Variants in SRP19 observed in about 807,000 individuals in gnomAD.
The protein encoded by SRP19 is signal recognition particle 19 kDa protein.
In SRP19, 11 loss-of-function variants were observed where a neutral mutation model predicts 22.4. The observed-to-expected ratio is 0.49, with a 90% CI of 0.31 to 0.81. SRP19 has a LOEUF of 0.81. SRP19 is among the 40% of genes least tolerant of loss of function. The probability of loss-of-function intolerance (pLI) is 0.05; values close to 1 mark genes in which losing one functional copy is unlikely to be tolerated. For synonymous variants in SRP19, 61 were observed against 57.6 expected, an observed-to-expected ratio of 1.06 and a Z score of -0.27; for missense variants, 168 against 175.9, an observed-to-expected ratio of 0.96 and a Z score of 0.25.
chr5:112,880,252 A>T (rs1268939945), intron 4 of SRP19, among the ~76,000 whole-genome samples: 1 of 152,010 alleles, frequency 6.6e-6, no homozygotes, highest in Non-Finnish European at 1.5e-5. Context: ...ATCTCTATAG[A>T]AAAAAAAGAA....
At chr5:112,873,271 C>CTTTCTTTTT (rs1767797798), downstream of SRP19, among the ~76,000 whole-genome samples, 1 of 50,718 alleles carries the variant, frequency 2.0e-5, no homozygotes, top group African/African-American at 8.7e-5. Flanking sequence ...CTCAGGTTTT[C>CTTTCTTTTT]TTTTTTTTTT....
At chr5:112,884,837 T>C (rs818429) in intron 4 of SRP19, among the ~76,000 whole-genome samples, 71,488 of 150,964 alleles carry the variant, frequency 0.47, 19,764 homozygotes, top group African/African-American at 0.79. Context: ...GTAAATATAC[T>C]ATCTAATTTT....
At chr5:112,886,567 A>T (rs1005407762) in intron 4 of SRP19, among the ~76,000 whole-genome samples, 2 of 152,194 alleles carry the variant, frequency 1.3e-5, no homozygotes, top group African/African-American at 4.8e-5. Flanking sequence ...AAGATCAAGA[A>T]TTTTTTGTAA....
intron 4 of SRP19, among the ~76,000 whole-genome samples, chr5:112,865,505 A>G (rs909620487): frequency 2.0e-5 from 3 of 152,184 alleles, no homozygotes; most frequent in Non-Finnish European, 2.9e-5. Flanking sequence ...CAGAGCTATT[A>G]ATTTTTTCTT....
At chr5:112,882,247 T>C (rs76033445) in intron 4 of SRP19, among the ~76,000 whole-genome samples, 5,301 of 152,138 alleles carry the variant, frequency 0.035, 224 homozygotes, top group East Asian at 0.16. Flanking sequence ...TCCATAATCT[T>C]GTATCAAGCA....
At chr5:112,892,049 AAG>A in exon 5 of SRP19, 1 of 1,517,144 alleles carries the variant, frequency 6.6e-7, no homozygotes, top group South Asian at 1.1e-5. Context: ...AAGAAAGAAA[AAG>A]AGGAAGCTGT....
At chr5:112,884,201 A>C (rs116323179) in intron 4 of SRP19, among the ~76,000 whole-genome samples, 90 of 152,246 alleles carry the variant, frequency 5.9e-4, no homozygotes, top group African/African-American at 2.0e-3. Flanking sequence ...GTAGAAGCCA[A>C]ACCTTTACAA....
At chr5:112,890,988 A>C (rs1256869903) in intron 4 of SRP19, among the ~76,000 whole-genome samples, 1 of 150,908 alleles carries the variant, frequency 6.6e-6, no homozygotes, top group African/African-American at 2.5e-5. Context: ...AACAACATCT[A>C]TGAAACATTA....
intron 4 of SRP19, among the ~76,000 whole-genome samples, chr5:112,883,599 A>T (rs546357969): frequency 1.3e-5 from 2 of 152,098 alleles, no homozygotes; most frequent in South Asian, 4.2e-4. Context: ...TACCTTCGTG[A>T]TCTCATCTAG....
In SRP19 at chr5:112,868,162, G is replaced by T. The variant is rs929237470; in HGVS notation, c.*625G>T. On this transcript the variant is annotated 3_prime_UTR_variant, in exon 5 of 5. Transcript: ENST00000505459. ...TTTAAGCTTTAAATTTGCTTATTTT[G>T]TAGGTTTAAGAACATGATTTTCATG... 1.0e-6 allele frequency: 1 copy of T among 985,406 alleles called. No homozygotes were observed. The highest frequency in any genetic ancestry group is 1.1e-4 in the East Asian group (1 of 8,824). 61.0% of individuals were successfully genotyped at this position (985,406 alleles called of 1,614,324 possible). A position where few individuals can be genotyped will look rare whatever the true frequency, so the allele number is the denominator to read the frequency against.
chr5:112,889,135 T>C (rs1428368200), intron 4 of SRP19, among the ~76,000 whole-genome samples: 1 of 150,852 alleles, frequency 6.6e-6, no homozygotes, highest in Non-Finnish European at 1.5e-5. Flanking sequence ...ATTAAACCTC[T>C]TTCCTTTATA....
At position 112,866,556 on chromosome 5, in the gene SRP19, G is replaced by A. The variant is rs192165832; in HGVS notation, c.302-848G>A. Reference sequence around the variant, plus strand: ...TGTTTCCTAAGCCAGTCTCAAACTCGTGGACACAAGTGATCCTCCTGCCTC... The same window carrying A: ...TGTTTCCTAAGCCAGTCTCAAACTCATGGACACAAGTGATCCTCCTGCCTC... On this transcript the variant is annotated intron_variant, in intron 4 of 4. Transcript: ENST00000505459. 5.3e-3 allele frequency among the ~76,000 whole-genome samples: 798 copies of A among 150,956 alleles called. 15 individuals are homozygous for A. Among genetic ancestry groups the A allele is most frequent in the Non-Finnish European group, 5.8e-3 (396 of 67,704 alleles).
intron 4 of SRP19, among the ~76,000 whole-genome samples, chr5:112,887,336 T>C (rs1275737206): frequency 6.6e-6 from 1 of 152,202 alleles, no homozygotes; most frequent in Admixed American, 6.5e-5. Flanking sequence ...AAAGGTGGGC[T>C]TTCTTTAGAT....
At chr5:112,862,281 A>C (rs1767429604) in intron 1 of SRP19, 4 of 580,074 alleles carry the variant, frequency 6.9e-6, no homozygotes, top group Admixed American at 3.0e-5. Context: ...GAGGGGGATC[A>C]ATCAGAAAGA....
exon 5 of SRP19, chr5:112,892,102 A>G (rs712665): frequency 0.35 from 562,669 of 1,613,054 alleles, 103,085 homozygotes; most frequent in African/African-American, 0.63. Flanking sequence ...TTTAGAAAAT[A>G]GTACCACATG....
chr5:112,896,888 C>T (rs1034566292), downstream of SRP19: 2 of 152,084 alleles, frequency 1.3e-5, no homozygotes, highest in Admixed American at 6.6e-5. Context: ...GAGGTCACGC[C>T]ACTGCACTCC....
chr5:112,885,186 A>G, intron 4 of SRP19: 1 of 176,472 alleles, frequency 5.7e-6, no homozygotes, highest in Non-Finnish European at 1.2e-5. Flanking sequence ...GAGAGGAGCC[A>G]GCCAGGAGAT....
chr5:112,882,851 A>G (rs1393325468), intron 4 of SRP19, among the ~76,000 whole-genome samples: 1 of 152,188 alleles, frequency 6.6e-6, no homozygotes, highest in African/African-American at 2.4e-5. Flanking sequence ...TCCTCTCTCA[A>G]TTGGCCTTCC....
At chr5:112,879,797 G>A (rs569892201) in intron 4 of SRP19, among the ~76,000 whole-genome samples, 6 of 151,928 alleles carry the variant, frequency 3.9e-5, no homozygotes, top group African/African-American at 9.6e-5. Context: ...CTTTAAATTC[G>A]GCCAGGCATA....
Sources: gnomAD v4.1 joint callset for allele counts (sites outside exome capture counted in the v4.1 genomes callset) on GRCh38, gnomAD v4.1.1 for gene constraint, MANE v1.5 for transcripts, NCBI Gene and HGNC (gene_info 2026-07-23, HGNC 2026-07-21) for gene names.